Variants in EML6 observed in about 807,000 individuals in gnomAD.
EML6 encodes the protein EMAP like 6, also known as echinoderm microtubule-associated protein-like 6.
In EML6, 154 loss-of-function variants were observed where a neutral mutation model predicts 240.1. The observed-to-expected ratio is 0.64, with a 90% CI of 0.56 to 0.73. The LOEUF is 0.73. Among genes scored for constraint, EML6 ranks in the 30% least tolerant of loss-of-function variants. The pLI is 0.00. For synonymous variants in EML6, 1,148 were observed against 899.0 expected (o/e 1.28, Z -4.95); for missense variants, 2,964 against 2,474.6 (o/e 1.20, Z -4.20).
chr2:54,969,060 G>A (rs948025912), intron 41 of EML6, among the ~76,000 whole-genome samples: 1 of 152,186 alleles, frequency 6.6e-6, no homozygotes, highest in African/African-American at 2.4e-5. Context: ...GATGACACCC[G>A]AGATGGCTGA....
At chr2:54,937,296 A>C (rs934034892) in intron 28 of EML6, among the ~76,000 whole-genome samples, 48 of 151,462 alleles carry the variant, frequency 3.2e-4, no homozygotes, top group South Asian at 6.2e-4. Context: ...AAAAAGAAGA[A>C]GTCTTAGGCT....
chr2:54,779,043 G>A (rs534464904), intron 2 of EML6, among the ~76,000 whole-genome samples: 1 of 152,304 alleles, frequency 6.6e-6, no homozygotes, highest in Non-Finnish European at 1.5e-5. Flanking sequence ...CAGAGCTTCA[G>A]AATTTGATTT....
At chr2:54,747,355 C>T (rs1683959258) in intron 2 of EML6, 1 of 152,136 alleles carries the variant, frequency 6.6e-6, no homozygotes. Flanking sequence ...GCCGAGGATA[C>T]CCTTTCTTTT....
chr2:54,924,824 A>G (rs1010656713), intron 26 of EML6, among the ~76,000 whole-genome samples: 3 of 151,694 alleles, frequency 2.0e-5, no homozygotes, highest in Non-Finnish European at 2.9e-5. Flanking sequence ...TGGCCTCCCA[A>G]AGTGCTGGGA....
intron 2 of EML6, among the ~76,000 whole-genome samples, chr2:54,763,268 T>C (rs1455760481): frequency 6.6e-6 from 1 of 152,238 alleles, no homozygotes; most frequent in Non-Finnish European, 1.5e-5. Flanking sequence ...AGTTCTATGT[T>C]CAGAAGTTAC....
chr2:54,884,695 T>G (rs1672027219), intron 17 of EML6, among the ~76,000 whole-genome samples: 1 of 152,254 alleles, frequency 6.6e-6, no homozygotes, highest in Non-Finnish European at 1.5e-5. Flanking sequence ...AGAAATCAGA[T>G]GTAAACTAAA....
chr2:54,846,661 T>C (rs947289670), intron 8 of EML6, among the ~76,000 whole-genome samples: 8 of 152,026 alleles, frequency 5.3e-5, no homozygotes, highest in Non-Finnish European at 1.0e-4. Flanking sequence ...TTTTAAAATC[T>C]TTTTTAGAGA....
At chr2:54,740,142 C>T (rs911052867) in intron 2 of EML6, among the ~76,000 whole-genome samples, 3 of 152,052 alleles carry the variant, frequency 2.0e-5, no homozygotes, top group Admixed American at 6.6e-5. Context: ...GGTGGTTATA[C>T]ATTTATATGG....
At chr2:54,824,764 T>A (rs146771416) in intron 5 of EML6, among the ~76,000 whole-genome samples, 1 of 152,266 alleles carries the variant, frequency 6.6e-6, no homozygotes, top group African/African-American at 2.4e-5. Flanking sequence ...CAGAAGGGAC[T>A]TCAGGGACTA....
chr2:54,789,174 A>G (rs1669256338), intron 2 of EML6, among the ~76,000 whole-genome samples: 1 of 152,242 alleles, frequency 6.6e-6, no homozygotes, highest in East Asian at 1.9e-4. Flanking sequence ...AGCAAAAACA[A>G]TGAAACATTT....
Position 54,724,966 on chromosome 2 carries a change from C to G in EML6, c.-96C>G, listed in dbSNP as rs954658025. The G allele has an allele frequency of 9.5e-7, 1 of 1,048,646 alleles. No homozygotes were observed. The highest frequency in any genetic ancestry group is 1.2e-6 in the Non-Finnish European group (1 of 818,432). 65.0% of individuals were successfully genotyped at this position (1,048,646 alleles called of 1,614,324 possible). The stretch of plus-strand genomic sequence containing the variant: ...CGCCGCGGAAATCAGCGCCCTGCGC[C>G]GCGCGCTGAGCCCCTGCAGGTCCGC... On this transcript the variant is annotated 5_prime_UTR_variant, in exon 2 of 42. Transcript: ENST00000356458. The surrounding 1 kb of genome is among the most constrained non-coding windows in gnomAD (Gnocchi z 5.2).
At chr2:54,937,811 TCAAA>T (rs1675226824) in intron 28 of EML6, among the ~76,000 whole-genome samples, 1 of 152,174 alleles carries the variant, frequency 6.6e-6, no homozygotes, top group East Asian at 1.9e-4. Flanking sequence ...ACTCTATCAA[TCAAA>T]CTTTGTGCAT....
intron 26 of EML6, among the ~76,000 whole-genome samples, chr2:54,919,242 T>TCCCC (rs5831329): frequency 7.8e-6 from 1 of 128,508 alleles, no homozygotes. Context: ...CTATTTTGCT[T>TCCCC]CCCCCCCCCC....
intron 28 of EML6, among the ~76,000 whole-genome samples, chr2:54,948,469 C>A (rs1223920866): frequency 1.3e-5 from 2 of 152,186 alleles, no homozygotes; most frequent in African/African-American, 4.8e-5. Flanking sequence ...TAATTCTGAA[C>A]AACATGAGCA....
intron 24 of EML6, 36 bp downstream of exon 24, chr2:54,903,538 G>T (rs1359741396): frequency 6.9e-7 from 1 of 1,458,338 alleles, no homozygotes; most frequent in South Asian, 1.3e-5. Context: ...TAGAATTTCT[G>T]TGTTTAAAAA....
At chr2:54,873,673 A>C (rs926111712) in intron 16 of EML6, among the ~76,000 whole-genome samples, 3 of 147,014 alleles carry the variant, frequency 2.0e-5, no homozygotes, top group South Asian at 2.3e-4. Context: ...CTAGCAGACA[A>C]ATATATGTAT....
In EML6 at chr2:54,892,346, A is replaced by G. The variant is rs1672516091; in HGVS notation, c.2540-108A>G. The G allele has an allele frequency of 5.9e-6, 4 of 677,756 alleles. No homozygotes were observed. In the Admixed American group the frequency reaches 1.1e-4, roughly 19 times the overall value. The allele number at this position is 677,756 out of a possible 1,614,324, so 42.0% of individuals were successfully genotyped here. A position where few individuals can be genotyped will look rare whatever the true frequency, so the allele number is the denominator to read the frequency against. ...CTCTGTCACTTTTAGACATCTTTAC[A>G]TAAATACCTAATGAGAGACACCAGG... On this transcript the variant is annotated intron_variant, in intron 18 of 41. Transcript: ENST00000356458.
intron 5 of EML6, among the ~76,000 whole-genome samples, chr2:54,826,231 C>G (rs1283746269): frequency 6.6e-6 from 1 of 152,184 alleles, no homozygotes; most frequent in Admixed American, 6.5e-5. Context: ...CTACCTTAGC[C>G]TATTAAAGGT....
intron 2 of EML6, among the ~76,000 whole-genome samples, chr2:54,730,931 A>G (rs1683131085): frequency 6.6e-6 from 1 of 152,214 alleles, no homozygotes; most frequent in Admixed American, 6.5e-5. Flanking sequence ...GCCAACAGTG[A>G]ATGGACAAGA....
Sources: allele counts gnomAD v4.1 joint callset (sites outside exome capture counted in the v4.1 genomes callset), GRCh38; gene constraint gnomAD v4.1.1; non-coding constraint Gnocchi (gnomAD v3.1); transcripts MANE v1.5; gene names NCBI Gene and HGNC (gene_info 2026-07-23, HGNC 2026-07-21).